The following ADGRL3 variants were observed in gnomAD, a reference collection of about 807,000 sequenced individuals.
ADGRL3 encodes calcium-independent alpha-latrotoxin receptor 3.
In ADGRL3, 62 loss-of-function variants were observed where a neutral mutation model predicts 153.5. The observed-to-expected ratio is 0.40, with a 90% confidence interval of 0.33 to 0.50. ADGRL3 has a LOEUF of 0.50. ADGRL3 is among the 20% of genes least tolerant of loss of function. The pLI, the probability that ADGRL3 is intolerant of heterozygous loss-of-function variation, is 0.47. For synonymous variants in ADGRL3, 710 were observed against 672.5 expected, an observed-to-expected ratio of 1.06 and a Z score of -0.86; for missense variants, 1,641 against 1,859.4, an observed-to-expected ratio of 0.88 and a Z score of 2.16.
At chr4:61,416,656 T>C (rs1158879131) in intron 2 of ADGRL3, among the ~76,000 whole-genome samples, 1 of 152,018 alleles carries the variant, frequency 6.6e-6, no homozygotes, top group African/African-American at 2.4e-5. Flanking sequence ...TTGAGGAGGG[T>C]AAATTTTAAA....
chr4:61,947,052 C>T lies in ADGRL3; in HGVS notation c.2558C>T (p.Ala853Val). 2 of 1,613,656 alleles carry T rather than the reference C, an allele frequency of 1.2e-6. No homozygotes were observed. The highest frequency in any genetic ancestry group is 1.1e-5 in the South Asian group (1 of 91,076). Residue 853 changes from alanine to valine, a missense_variant, in exon 16 of 27, where the codon GCA (alanine) becomes GTA (valine). Transcript: ENST00000683033. ...VIVNSPVITA[A>V]INKEFSNKVY... Reference sequence around the variant, plus strand: ...GTCAATTCCCCTGTTATTACGGCAGCAATAAACAAAGAGTTCAGTAACAAG... The same window carrying T: ...GTCAATTCCCCTGTTATTACGGCAGTAATAAACAAAGAGTTCAGTAACAAG...
intron 8 of ADGRL3, among the ~76,000 whole-genome samples, chr4:61,776,284 G>GGTAA (rs1385671292): frequency 1.3e-5 from 2 of 152,104 alleles, no homozygotes; most frequent in Non-Finnish European, 2.9e-5. Context: ...GCGCCGAAAA[G>GGTAA]GTAAAATTTT....
At chr4:61,348,885 CT>C (rs2095982366) in intron 1 of ADGRL3, among the ~76,000 whole-genome samples, 1 of 151,862 alleles carries the variant, frequency 6.6e-6, no homozygotes, top group Non-Finnish European at 1.5e-5. Context: ...ATGTGGAAAT[CT>C]GAAGTCTTGC....
At chr4:61,421,625 T>C (rs2097208503) in intron 2 of ADGRL3, among the ~76,000 whole-genome samples, 1 of 152,208 alleles carries the variant, frequency 6.6e-6, no homozygotes, top group Admixed American at 6.5e-5. Flanking sequence ...AACTTCCTCA[T>C]GATTTCAACA....
intron 17 of ADGRL3, among the ~76,000 whole-genome samples, chr4:61,963,087 C>T (rs1581655136): frequency 1.3e-5 from 2 of 151,616 alleles, no homozygotes; most frequent in East Asian, 3.9e-4. Context: ...TTTGTTTAAG[C>T]AAAATGAGAG....
At chr4:61,862,962 C>T (rs567287283) in intron 9 of ADGRL3, among the ~76,000 whole-genome samples, 2 of 152,166 alleles carry the variant, frequency 1.3e-5, no homozygotes, top group Non-Finnish European at 2.9e-5. Flanking sequence ...GTCCTGTCAC[C>T]ACAGTGATTC....
chr4:61,330,724 T>G (rs963653314), intron 1 of ADGRL3, among the ~76,000 whole-genome samples: 2 of 152,126 alleles, frequency 1.3e-5, no homozygotes, highest in African/African-American at 4.8e-5. Context: ...TTCCACTGCG[T>G]GGAAAGGGAC....
intron 5 of ADGRL3, among the ~76,000 whole-genome samples, chr4:61,633,222 C>T (rs1418943712): frequency 1.6e-5 from 2 of 124,064 alleles, no homozygotes; most frequent in Middle Eastern, 4.5e-3. Context: ...ACTGTACCTG[C>T]GTTGCAGTTT....
chr4:61,641,380 C>A (rs1444574588), intron 5 of ADGRL3, among the ~76,000 whole-genome samples: 2 of 151,626 alleles, frequency 1.3e-5, no homozygotes, highest in African/African-American at 4.9e-5. Flanking sequence ...TGGTGCGCTG[C>A]ACCCACTAAC....
chr4:61,326,145 A>G (rs1009138352), intron 1 of ADGRL3, among the ~76,000 whole-genome samples: 1 of 152,130 alleles, frequency 6.6e-6, no homozygotes, highest in Non-Finnish European at 1.5e-5. Flanking sequence ...TTCAGTGCAT[A>G]TATGTATGCT....
At chr4:61,972,218 A>T (rs1181284718) in intron 17 of ADGRL3, among the ~76,000 whole-genome samples, 2 of 152,152 alleles carry the variant, frequency 1.3e-5, no homozygotes, top group Admixed American at 6.5e-5. Context: ...TGTTTTAGAC[A>T]TGAAGTCCTT....
chr4:61,479,469 A>G (rs763546431), intron 2 of ADGRL3, among the ~76,000 whole-genome samples: 9 of 152,074 alleles, frequency 5.9e-5, no homozygotes, highest in Non-Finnish European at 1.2e-4. Context: ...AAAGTACCCA[A>G]TATAGGGTCT....
At chr4:61,972,427 T>A (rs2099031791) in intron 17 of ADGRL3, among the ~76,000 whole-genome samples, 1 of 152,172 alleles carries the variant, frequency 6.6e-6, no homozygotes, top group African/African-American at 2.4e-5. Flanking sequence ...CCTTTCCCCA[T>A]TGCTTGTTTT....
At chr4:61,271,887 C>G (rs888648482) in intron 1 of ADGRL3, among the ~76,000 whole-genome samples, 5 of 152,008 alleles carry the variant, frequency 3.3e-5, no homozygotes, top group African/African-American at 1.2e-4. Flanking sequence ...GTTCCATCTA[C>G]TTCTAGATGC....
intron 13 of ADGRL3, among the ~76,000 whole-genome samples, chr4:61,916,927 T>C (rs184666164): frequency 1.4e-4 from 22 of 152,158 alleles, no homozygotes; most frequent in Non-Finnish European, 2.9e-4. Context: ...CACTCCAGCC[T>C]GGGCGACAGA....
chr4:61,290,504 T>G (rs549981290), intron 1 of ADGRL3, among the ~76,000 whole-genome samples: 4 of 152,050 alleles, frequency 2.6e-5, no homozygotes, highest in African/African-American at 9.6e-5. Context: ...TTTAGCCAGG[T>G]GTGGTGGCTT....
At position 61,909,763 on chromosome 4, in the gene ADGRL3, G is replaced by GTGTA; in HGVS notation, c.2073+21_2073+22insATGT. The GTGTA allele has an allele frequency of 8.4e-6, 1 of 118,808 alleles. No individual in the cohort carries two copies. Among genetic ancestry groups the GTGTA allele is most frequent in the Admixed American group, 1.9e-4 (1 of 5,132 alleles). The allele number at this position is 118,808 out of a possible 1,614,324, so 7.4% of individuals were successfully genotyped here. On this transcript the variant is annotated intron_variant, in intron 12 of 26. Transcript: ENST00000683033. ...TGAACAAGGTAAGGACCCTAATTAT[G>GTGTA]TGTGTGTGTGTGTGTGTGTGTGTGT...
intron 8 of ADGRL3, among the ~76,000 whole-genome samples, chr4:61,778,361 A>G (rs1367900477): frequency 6.6e-6 from 1 of 152,186 alleles, no homozygotes; most frequent in South Asian, 2.1e-4. Flanking sequence ...ATTGACTTTC[A>G]CATTTGAACA....
intron 25 of ADGRL3, among the ~76,000 whole-genome samples, chr4:62,061,267 C>G (rs1739982419): frequency 6.6e-6 from 1 of 151,408 alleles, no homozygotes; most frequent in Non-Finnish European, 1.5e-5. Context: ...GCCACTGTGC[C>G]CTGCCTAGAT....
Sources: gnomAD v4.1 joint callset for allele counts (sites outside exome capture counted in the v4.1 genomes callset) on GRCh38, gnomAD v4.1.1 for gene constraint, MANE v1.5 for transcripts, NCBI Gene and HGNC (gene_info 2026-07-23, HGNC 2026-07-21) for gene names.